VARS1: variants seen among roughly 807,000 people sequenced by gnomAD.
VARS1 encodes valine--tRNA ligase.
Under a neutral mutation model 161.0 loss-of-function variants are expected in VARS1, and 92 were observed. The ratio of observed to expected loss-of-function variants is 0.57; its 90% CI spans 0.48 to 0.68. VARS1 has a LOEUF of 0.68. VARS1 is among the 30% of genes least tolerant of loss of function. VARS1 has a pLI of 0.00. For missense variants in VARS1, 1,338 were observed against 1,695.9 expected (o/e 0.79, Z 3.71); for synonymous variants, 595 against 682.5 (o/e 0.87, Z 2.00).
chr6:31,788,813 T>A (rs973084826), intron 8 of VARS1, among the ~76,000 whole-genome samples: 11 of 151,124 alleles, frequency 7.3e-5, no homozygotes, highest in Non-Finnish European at 1.5e-4. Flanking sequence ...TGTCTCAAAA[T>A]AATAATAATA....
rs1813436630 is a variant in VARS1 at position 31,785,488 on chromosome 6, G to A, written c.1265+81C>T. On this transcript the variant is annotated intron_variant, in intron 9 of 29. Transcript: ENST00000375663. This position sits in a 1 kb window ranked among gnomAD's most constrained non-coding sequence, Gnocchi z 6.1. ...TGGGAGGGTCTGACCCTGTGGCCAA[G>A]GGGTTACAGGTGACAGAGGTCTTCT... The A allele has an allele frequency of 6.6e-7, 1 of 1,522,408 alleles. No homozygotes were observed. 94.3% of individuals were successfully genotyped at this position (1,522,408 alleles called of 1,614,324 possible). A position where few individuals can be genotyped will look rare whatever the true frequency, so the allele number is the denominator to read the frequency against.
chr6:31,782,285 C>T lies in VARS1; in HGVS notation c.2150G>A (p.Arg717Gln), dbSNP rs773917211. ...CTCCCACACTGAGGACCCTACACACCGGATGTTGTCCATCCAGGCATGCCA... is the reference window on the plus strand; with the variant it reads ...CTCCCACACTGAGGACCCTACACACTGGATGTTGTCCATCCAGGCATGCCA... ...RTWHAWMDNI[R>Q]EWCISRQLWW... Residue 717 changes from arginine (R) to glutamine (Q), a missense_variant and splice_region_variant, in exon 17 of 30, where the codon CGG (arginine) becomes CAG (glutamine). Arg to Gln is a conservative substitution (Grantham distance 43). Around this residue, in one of 3 missense-constraint regions of VARS1, gnomAD observed 902 missense variants for 1,090.3 expected, o/e 0.83. Coordinates refer to ENST00000375663, the MANE Select transcript of VARS1 (RefSeq NM_006295.3). This position sits in a 1 kb window ranked among gnomAD's most constrained non-coding sequence, Gnocchi z 8.3. 8 of 1,612,364 alleles carry T rather than the reference C, an allele frequency of 5.0e-6. No individual in the cohort carries two copies. Among genetic ancestry groups the T allele is most frequent in the African/African-American group, 4.0e-5 (3 of 74,928 alleles).
In VARS1 at chr6:31,784,375, T is replaced by C. The variant is rs748956747; in HGVS notation, c.1576+19A>G. On this transcript the variant is annotated intron_variant, in intron 12 of 29. Transcript: ENST00000375663. This position sits in a 1 kb window ranked among gnomAD's most constrained non-coding sequence, Gnocchi z 6.1. ...TCCTGCCACTCCCAGCCCAGGATCC[T>C]GGTGCCCCTGGCTCCTACCTGAGCC... 6.2e-7 allele frequency: 1 copy of C among 1,614,146 alleles called. No homozygotes were observed. The highest frequency in any genetic ancestry group is 8.5e-7 in the Non-Finnish European group (1 of 1,180,002).
In VARS1 at chr6:31,792,887, G is replaced by C; in HGVS notation, c.531C>G (p.Asp177Glu). ...ALLLPFRYVLDPPARRIWNNV... is the reference protein window; with the variant it reads ...ALLLPFRYVLEPPARRIWNNV... ...TATTCCAGATCCGGCGGGCAGGTGGGTCTAGGACCTGGAACAGGAAATAAA... is the reference window on the plus strand; with the variant it reads ...TATTCCAGATCCGGCGGGCAGGTGGCTCTAGGACCTGGAACAGGAAATAAA... The change falls in exon 4 of 30, where the codon GAC becomes GAG. Residue 177 changes from aspartate to glutamate, a missense_variant. Around this residue, in one of 3 missense-constraint regions of VARS1, gnomAD observed 902 missense variants for 1,090.3 expected, o/e 0.83. Transcript: ENST00000375663. 1 of 1,614,194 alleles carries C rather than the reference G, an allele frequency of 6.2e-7. No individual in the cohort carries two copies. The highest frequency in any genetic ancestry group is 8.5e-7 in the Non-Finnish European group (1 of 1,180,042).
rs1813226534 is a variant in VARS1 at position 31,782,518 on chromosome 6, C to T, written c.1991+12G>A. ...CCTCCATCTTCCTCCCGTCCCAGGC[C>T]CCCACCCTCACTTGCAAAGTGGCAC... On this transcript the variant is annotated intron_variant, in intron 16 of 29. Transcript: ENST00000375663. The surrounding 1 kb of genome is among the most constrained non-coding windows in gnomAD (Gnocchi z 8.3). The T allele has an allele frequency of 6.2e-7, 1 of 1,613,012 alleles. No homozygotes were observed. The highest frequency in any genetic ancestry group is 2.2e-5 in the East Asian group (1 of 44,888).
In VARS1 at chr6:31,780,851, C is replaced by T; in HGVS notation, c.2718+19G>A. The T allele has an allele frequency of 6.2e-7, 1 of 1,614,190 alleles. No homozygotes were observed. Among genetic ancestry groups the T allele is most frequent in the Non-Finnish European group, 8.5e-7 (1 of 1,180,022 alleles). On this transcript the variant is annotated intron_variant, in intron 23 of 29. Transcript: ENST00000375663. This position sits in a 1 kb window ranked among gnomAD's most constrained non-coding sequence, Gnocchi z 5.1. The stretch of plus-strand genomic sequence containing the variant: ...CATCCACGCTGTGCTCCTGCTTAGC[C>T]CAGCCCAACCCTCCATACCTGCCCT...
Position 31,795,375 on chromosome 6 carries a change from G to T in VARS1, c.-33-125C>A. ...CCGAGTCCCATAGGACTGAGGGTCT[G>T]ACCAGGCAGGCTGTCAGGAGCCGAG... On this transcript the variant is annotated intron_variant, in intron 1 of 29. Coordinates refer to ENST00000375663, the MANE Select transcript of VARS1 (RefSeq NM_006295.3). The surrounding 1 kb of genome is among the most constrained non-coding windows in gnomAD (Gnocchi z 6.9). The T allele has an allele frequency of 1.7e-6, 1 of 591,458 alleles. No homozygotes were observed. 36.6% of individuals were successfully genotyped at this position (591,458 alleles called of 1,614,324 possible).
At chr6:31,783,926 G>A (rs1471826902) in intron 13 of VARS1, among the ~76,000 whole-genome samples, 3 of 152,106 alleles carry the variant, frequency 2.0e-5, no homozygotes, top group Non-Finnish European at 4.4e-5. Context: ...CTCCCAAAGC[G>A]CTGGGATTAC....
At chr6:31,792,020 G>A in intron 6 of VARS1, 49 bp from the exon 7 acceptor site, 1 of 1,510,732 alleles carries the variant, frequency 6.6e-7, no homozygotes, top group Non-Finnish European at 8.9e-7. Flanking sequence ...GAGCACTCTG[G>A]GAAGGAGACG....
At chr6:31,789,308 T>A (rs911829685) in intron 8 of VARS1, among the ~76,000 whole-genome samples, 1 of 151,772 alleles carries the variant, frequency 6.6e-6, no homozygotes, top group African/African-American at 2.4e-5. Flanking sequence ...GGGGAAAAGA[T>A]AGATACAGAC....
At position 31,794,768 on chromosome 6, in the gene VARS1, T is replaced by C. The variant is rs1682002427; in HGVS notation, c.387+63A>G. On this transcript the variant is annotated intron_variant, in intron 2 of 29. Coordinates refer to ENST00000375663, the MANE Select transcript of VARS1 (RefSeq NM_006295.3). ...TACTACCTTCTTGTCTCATTGTCCA[T>C]TCCAGTCCTCGCTTCCCTCCTCTGA... is the stretch of plus-strand genomic sequence containing the variant. 3.3e-6 allele frequency: 5 copies of C among 1,500,096 alleles called. No homozygotes were observed. In the African/African-American group the frequency reaches 5.6e-5, roughly 17 times the overall value. 92.9% of individuals were successfully genotyped at this position (1,500,096 alleles called of 1,614,324 possible).
chr6:31,791,951 C>G lies in VARS1; in HGVS notation c.892G>C (p.Asp298His), dbSNP rs192008132. 5.0e-6 allele frequency: 8 copies of G among 1,597,570 alleles called. No individual in the cohort carries two copies. In the East Asian group the frequency reaches 1.8e-4, roughly 36 times the overall value. ...EKKDVSGPMP[D>H]SYSPRYVEAA... is the part of the protein sequence containing the mutation. ...TCCACATACCGAGGGCTGTAGGAGT[C>G]GGGCATGGGGCCACTGACATCTGGG... is the stretch of plus-strand genomic sequence containing the variant. The change falls in exon 7 of 30, where the codon GAC (aspartate) becomes CAC (histidine). Residue 298 changes from aspartate (D) to histidine (H), a missense_variant. By Grantham distance (81) the Asp-to-His change is moderately conservative. This residue lies in a region of VARS1 where 902 missense variants were observed against 1,090.3 expected (regional missense o/e 0.83). Transcript: ENST00000375663. The surrounding 1 kb of genome is among the most constrained non-coding windows in gnomAD (Gnocchi z 5.0).
Position 31,780,744 on chromosome 6 carries a change from C to T in VARS1, c.2758G>A (p.Asp920Asn), listed in dbSNP as rs370606971. 1.4e-5 allele frequency: 22 copies of T among 1,614,054 alleles called. No homozygotes were observed. Among genetic ancestry groups the T allele is most frequent in the African/African-American group, 2.7e-5 (2 of 74,924 alleles). Reference protein sequence around the residue: ...FPAGIPECGTDALRFGLCAYM... With the variant: ...FPAGIPECGTNALRFGLCAYM... ...GCACATAATCCAAACCGGAGAGCAT[C>T]GGTGCCACATTCAGGAATCCCCGCT... Residue 920 changes from aspartate to asparagine, a missense_variant, in exon 24 of 30, where the codon GAT becomes AAT. Asp to Asn is a conservative substitution (Grantham distance 23). Transcript: ENST00000375663. The surrounding 1 kb of genome is among the most constrained non-coding windows in gnomAD (Gnocchi z 5.1).
Position 31,792,413 on chromosome 6 carries a change from C to T in VARS1, c.765G>A (p.Gln255=), listed in dbSNP as rs1345287660. 2 of 1,613,910 alleles carry T rather than the reference C, an allele frequency of 1.2e-6. No individual in the cohort carries two copies. Among genetic ancestry groups the T allele is most frequent in the Non-Finnish European group, 1.7e-6 (2 of 1,180,024 alleles). The change falls in exon 5 of 30, where the codon CAG becomes CAA. Residue 255 remains glutamine, a synonymous_variant. Transcript: ENST00000375663. ...EKFQQKQKIQ[Q]QQPPPGEKKP... ...TCACCTCCCCTGGAGGTGGCTGCTG[C>T]TGTTGGATCTTCTGCTTCTGTTGGA...
chr6:31,792,694 A>G, intron 4 of VARS1, 63 bp downstream of exon 4: 1 of 1,602,242 alleles, frequency 6.2e-7, no homozygotes, highest in Non-Finnish European at 8.5e-7. Context: ...GGAAAAAAAG[A>G]AAGTGAGTTG....
At position 31,779,235 on chromosome 6, in the gene VARS1, T is replaced by C. The variant is rs756627014; in HGVS notation, c.3458A>G (p.Tyr1153Cys). 1 of 1,606,138 alleles carries C rather than the reference T, an allele frequency of 6.2e-7. No homozygotes were observed. Reference protein sequence around the residue: ...TGALASAVSGYVQALASAGVV... With the variant: ...TGALASAVSGCVQALASAGVV... The stretch of plus-strand genomic sequence containing the variant: ...ACCTGCGCTGGCCAGGGCCTGCACG[T>C]AGCCCGACACCGCCGATGCCAGGGC... Residue 1153 changes from tyrosine to cysteine, a missense_variant, in exon 29 of 30, where the codon TAC becomes TGC. Coordinates refer to ENST00000375663, the MANE Select transcript of VARS1 (RefSeq NM_006295.3). This position sits in a 1 kb window ranked among gnomAD's most constrained non-coding sequence, Gnocchi z 9.1.
intron 14 of VARS1, 95 bp downstream of exon 14, chr6:31,783,001 G>A (rs1160432728): frequency 5.2e-6 from 8 of 1,544,402 alleles, no homozygotes; most frequent in Non-Finnish European, 7.0e-6. Flanking sequence ...TGTCTATTTG[G>A]CTGAAGCTTA....
rs1185362896 is a variant in VARS1, at chr6:31,793,132, G to C, written c.388-12C>G. On this transcript the variant is annotated splice_polypyrimidine_tract_variant and intron_variant, in intron 2 of 29. Transcript: ENST00000375663. ...GCCCCCAGCACAGCCTGGCAGGAAGGGGAAGAAGTGTGAGACAAGGTTTGG... is the reference window on the plus strand; with the variant it reads ...GCCCCCAGCACAGCCTGGCAGGAAGCGGAAGAAGTGTGAGACAAGGTTTGG... 2 of 1,579,264 alleles carry C rather than the reference G, an allele frequency of 1.3e-6. No homozygotes were observed. Among genetic ancestry groups the C allele is most frequent in the South Asian group, 1.2e-5 (1 of 86,528 alleles).
rs1813160241 is a variant in VARS1 at position 31,781,724 on chromosome 6, G to A, written c.2385C>T (p.Leu795=). 6.2e-7 allele frequency: 1 copy of A among 1,613,082 alleles called. No individual in the cohort carries two copies. The highest frequency in any genetic ancestry group is 8.5e-7 in the Non-Finnish European group (1 of 1,180,010). ...DVLDTWFSSG[L]FPLSILGWPN... ...GCCAGCCCAAAATGGATAAGGGGAA[G>A]AGGCCAGAGGAGAACCAGGTATCCA... The change falls in exon 20 of 30, where the codon CTC becomes CTT. Residue 795 remains leucine (L), a synonymous_variant. Transcript: ENST00000375663. This position sits in a 1 kb window ranked among gnomAD's most constrained non-coding sequence, Gnocchi z 6.8.
Sources: allele counts gnomAD v4.1 joint callset (sites outside exome capture counted in the v4.1 genomes callset), GRCh38; gene constraint gnomAD v4.1.1; regional missense constraint gnomAD v4.1.1; non-coding constraint Gnocchi (gnomAD v3.1); transcripts MANE v1.5; gene names NCBI Gene and HGNC (gene_info 2026-07-23, HGNC 2026-07-21).